Variants in CSMD3 observed in about 807,000 individuals in gnomAD.
CSMD3 encodes CUB and Sushi multiple domains 3, also known as CUB and sushi domain-containing protein 3.
CSMD3 carries 177 observed loss-of-function variants against 435.2 expected under a neutral mutation model. The observed-to-expected ratio is 0.41, with a 90% CI of 0.36 to 0.46. CSMD3 has a LOEUF of 0.46. Ranked by LOEUF, CSMD3 falls within the 20% of genes least tolerant of loss-of-function variation. The probability of loss-of-function intolerance (pLI) is 0.34; values close to 1 mark genes in which losing one functional copy is unlikely to be tolerated. For missense variants in CSMD3, 4,265 were observed against 4,504.6 expected (o/e 0.95, Z 1.52); for synonymous variants, 1,656 against 1,520.5 (o/e 1.09, Z -2.07).
rs546517739 is a variant in CSMD3 at position 113,133,794 on chromosome 8, C to T, written c.710-34831G>A. Among the ~76,000 whole-genome samples, 24 of 151,952 alleles carry T rather than the reference C, an allele frequency of 1.6e-4. No homozygotes were observed. In the South Asian group the frequency reaches 2.1e-3, roughly 13 times the overall value. On this transcript the variant is annotated intron_variant, in intron 4 of 70. Transcript: ENST00000297405. ...CTCACATTATAAAGTGAAATAAATC[C>T]GTTATCAAAATAAATATTGTATGAT...
chr8:112,447,324 C>A (rs2130560704), intron 32 of CSMD3, among the ~76,000 whole-genome samples: 1 of 152,080 alleles, frequency 6.6e-6, no homozygotes, highest in East Asian at 1.9e-4. Flanking sequence ...ACTCATGTAG[C>A]CATTACCCAG....
chr8:112,676,358 T>C (rs2075769586), intron 16 of CSMD3, among the ~76,000 whole-genome samples: 1 of 151,882 alleles, frequency 6.6e-6, no homozygotes, highest in Non-Finnish European at 1.5e-5. Context: ...CTTAAACAGA[T>C]CACAGAGAGG....
At chr8:113,403,111 T>G (rs978836449) in intron 1 of CSMD3, among the ~76,000 whole-genome samples, 7 of 151,286 alleles carry the variant, frequency 4.6e-5, no homozygotes, top group Non-Finnish European at 8.9e-5. Context: ...ATGAATTGGA[T>G]TTAATAAATC....
At chr8:113,140,178 G>T (rs1031637855) in intron 4 of CSMD3, among the ~76,000 whole-genome samples, 4 of 150,622 alleles carry the variant, frequency 2.7e-5, no homozygotes, top group African/African-American at 9.7e-5. Context: ...TAATGATATA[G>T]GGAAAATCCA....
intron 1 of CSMD3, chr8:113,376,628 C>T: frequency 3.3e-6 from 4 of 1,214,420 alleles, no homozygotes; most frequent in Non-Finnish European, 3.6e-6. Context: ...GAAAGTTTAC[C>T]ACTCTCTCTT....
chr8:112,250,298 A>G (rs1476279720), intron 63 of CSMD3, among the ~76,000 whole-genome samples: 2 of 151,906 alleles, frequency 1.3e-5, no homozygotes, highest in Non-Finnish European at 2.9e-5. Context: ...TAGAATTAAA[A>G]TAAAATCTGT....
intron 13 of CSMD3, among the ~76,000 whole-genome samples, chr8:112,718,302 A>G (rs1027068991): frequency 1.1e-4 from 17 of 152,088 alleles, no homozygotes; most frequent in African/African-American, 3.6e-4. Flanking sequence ...CTATAATATG[A>G]GTACTTTATT....
intron 4 of CSMD3, among the ~76,000 whole-genome samples, chr8:113,153,385 A>G (rs2091870530): frequency 6.6e-6 from 1 of 152,102 alleles, no homozygotes; most frequent in Non-Finnish European, 1.5e-5. Flanking sequence ...GCCAAGATGC[A>G]TAATTATTAT....
At chr8:113,180,043 A>C (rs1371225676) in intron 3 of CSMD3, among the ~76,000 whole-genome samples, 1 of 151,986 alleles carries the variant, frequency 6.6e-6, no homozygotes, top group Non-Finnish European at 1.5e-5. Flanking sequence ...AAATAGATGA[A>C]GCATGATCCT....
chr8:112,871,222 T>A (rs1018881390), intron 10 of CSMD3, among the ~76,000 whole-genome samples: 1 of 152,334 alleles, frequency 6.6e-6, no homozygotes, highest in East Asian at 1.9e-4. Flanking sequence ...GCTGATGAAA[T>A]ACTGACTGTG....
intron 3 of CSMD3, among the ~76,000 whole-genome samples, chr8:113,209,853 G>T (rs1286227650): frequency 6.6e-6 from 1 of 151,842 alleles, no homozygotes; most frequent in Non-Finnish European, 1.5e-5. Context: ...AGCTAATCAT[G>T]GTTACATTCA....
chr8:112,246,897 T>C, intron 64 of CSMD3, 123 bp downstream of exon 64: 1 of 742,642 alleles, frequency 1.3e-6, no homozygotes. Context: ...GCATATAATA[T>C]GTTTTATAAT....
chr8:113,117,420 T>C (rs879412988), intron 4 of CSMD3, among the ~76,000 whole-genome samples: 2 of 152,146 alleles, frequency 1.3e-5, no homozygotes, highest in Non-Finnish European at 2.9e-5. Flanking sequence ...TTTCAGAGGG[T>C]ATATGGCAAC....
At chr8:112,661,070 A>T (rs2075368990) in intron 17 of CSMD3, among the ~76,000 whole-genome samples, 1 of 152,304 alleles carries the variant, frequency 6.6e-6, no homozygotes, top group Admixed American at 6.5e-5. Flanking sequence ...CATAAATCCT[A>T]CATTGAAAAT....
At chr8:112,985,742 G>A (rs2085232136) in intron 6 of CSMD3, among the ~76,000 whole-genome samples, 1 of 152,120 alleles carries the variant, frequency 6.6e-6, no homozygotes, top group African/African-American at 2.4e-5. Context: ...AACTGCTCAA[G>A]CAAGAGATCT....
Position 112,337,576 on chromosome 8 carries a change from G to T in CSMD3, c.6808C>A (p.Arg2270Ser). The T allele has an allele frequency of 1.2e-6, 2 of 1,613,728 alleles. No individual in the cohort carries two copies. The highest frequency in any genetic ancestry group is 2.2e-5 in the South Asian group (2 of 91,060). The change falls in exon 43 of 71, where the codon CGT (arginine) becomes AGT (serine). Residue 2270 changes from arginine (R) to serine (S), a missense_variant. Arg to Ser is a moderately radical substitution (Grantham distance 110, BLOSUM62 -1). Coordinates refer to ENST00000297405, the MANE Select transcript of CSMD3 (RefSeq NM_198123.2). ...SALTCLHGVS[R>S]NWNHPLPRCE... ...CTTGGAAGTGGATGATTCCAATTAC[G>T]ACTGACTCCGTGAAGGCATGTGAGA...
intron 3 of CSMD3, among the ~76,000 whole-genome samples, chr8:113,202,060 C>A (rs1185770490): frequency 2.0e-5 from 3 of 152,012 alleles, no homozygotes; most frequent in African/African-American, 7.2e-5. Context: ...CTATTGATGG[C>A]GCTTTCACAA....
intron 2 of CSMD3, among the ~76,000 whole-genome samples, chr8:113,286,730 T>C (rs1409135184): frequency 6.6e-6 from 1 of 152,044 alleles, no homozygotes; most frequent in African/African-American, 2.4e-5. Context: ...TCTATTTATT[T>C]AAATGTAATG....
chr8:113,356,377 G>A (rs1372007075), intron 1 of CSMD3, among the ~76,000 whole-genome samples: 2 of 152,092 alleles, frequency 1.3e-5, no homozygotes, highest in East Asian at 3.9e-4. Flanking sequence ...CATCAAACCT[G>A]AGAAGTCTGG....
Sources: allele counts gnomAD v4.1 joint callset (sites outside exome capture counted in the v4.1 genomes callset), GRCh38; gene constraint gnomAD v4.1.1; transcripts MANE v1.5; gene names NCBI Gene and HGNC (gene_info 2026-07-23, HGNC 2026-07-21).